The following CACNA2D1 variants were observed in gnomAD, a reference collection of about 807,000 sequenced individuals.
CACNA2D1 encodes voltage-dependent calcium channel subunit alpha-2/delta-1.
CACNA2D1 carries 53 observed loss-of-function variants against 171.5 expected under a neutral mutation model. The observed-to-expected ratio is 0.31, with a 90% CI of 0.25 to 0.39. CACNA2D1 has a LOEUF of 0.39. Ranked by LOEUF, CACNA2D1 falls within the 10% of genes least tolerant of loss-of-function variation. The pLI is 1.00. For synonymous variants in CACNA2D1, 442 were observed against 443.1 expected, an observed-to-expected ratio of 1.00 and a Z score of 0.03; for missense variants, 903 against 1,299.8, an observed-to-expected ratio of 0.69 and a Z score of 4.69.
chr7:82,401,055 A>G (rs1826345196), intron 1 of CACNA2D1, among the ~76,000 whole-genome samples: 1 of 152,140 alleles, frequency 6.6e-6, no homozygotes, highest in South Asian at 2.1e-4. Flanking sequence ...GTCAGGAAAC[A>G]ACAGGTGCTG....
At chr7:82,144,205 G>T (rs142736932) in intron 4 of CACNA2D1, among the ~76,000 whole-genome samples, 1 of 151,936 alleles carries the variant, frequency 6.6e-6, no homozygotes, top group African/African-American at 2.4e-5. Flanking sequence ...TCTTAAGCTA[G>T]TAAGAATTTG....
chr7:82,021,426 T>C (rs1801198761), intron 12 of CACNA2D1, among the ~76,000 whole-genome samples: 1 of 152,092 alleles, frequency 6.6e-6, no homozygotes, highest in South Asian at 2.1e-4. Context: ...TTATTCCACA[T>C]TCCAAATTTA....
chr7:82,210,939 G>GA (rs1800483009), intron 3 of CACNA2D1, among the ~76,000 whole-genome samples: 2 of 152,074 alleles, frequency 1.3e-5, no homozygotes, highest in African/African-American at 2.4e-5. Context: ...ATATGCAGTA[G>GA]AAAAAAATAC....
chr7:81,974,401 T>C (rs1312165661), intron 25 of CACNA2D1, 54 bp downstream of exon 25: 7 of 868,420 alleles, frequency 8.1e-6, no homozygotes, highest in Admixed American at 3.6e-5. Flanking sequence ...TATGATATAC[T>C]ATAAACCAAT....
chr7:81,991,901 C>T (rs1797576527), intron 20 of CACNA2D1, among the ~76,000 whole-genome samples: 1 of 149,476 alleles, frequency 6.7e-6, no homozygotes, highest in African/African-American at 2.5e-5. Flanking sequence ...GCGGTGTGAT[C>T]TCGGCTCACT....
chr7:82,162,655 A>G (rs969668276), intron 4 of CACNA2D1, among the ~76,000 whole-genome samples: 1 of 152,020 alleles, frequency 6.6e-6, no homozygotes, highest in East Asian at 1.9e-4. Flanking sequence ...AGTTTAAATG[A>G]CAGATCTCTC....
intron 1 of CACNA2D1, among the ~76,000 whole-genome samples, chr7:82,361,131 G>A (rs1821037081): frequency 6.6e-6 from 1 of 152,116 alleles, no homozygotes; most frequent in Admixed American, 6.5e-5. Flanking sequence ...CTCTTTGCCT[G>A]AGCAGCATAT....
chr7:82,158,172 A>AT (rs1491258724), intron 4 of CACNA2D1, among the ~76,000 whole-genome samples: 1 of 151,930 alleles, frequency 6.6e-6, no homozygotes, highest in Non-Finnish European at 1.5e-5. Flanking sequence ...TTGTACAAAC[A>AT]TATGTAAACT....
chr7:82,102,786 G>A (rs1812838496), intron 6 of CACNA2D1, among the ~76,000 whole-genome samples: 1 of 152,072 alleles, frequency 6.6e-6, no homozygotes, highest in South Asian at 2.1e-4. Context: ...ATGGAAAAAT[G>A]TCAACCACAT....
intron 3 of CACNA2D1, among the ~76,000 whole-genome samples, chr7:82,233,122 T>G (rs898283740): frequency 2.6e-5 from 4 of 152,058 alleles, no homozygotes; most frequent in Non-Finnish European, 5.9e-5. Context: ...GGGTTAATTA[T>G]AAAGAAGAAT....
intron 11 of CACNA2D1, among the ~76,000 whole-genome samples, chr7:82,037,118 G>A (rs1193022100): frequency 6.6e-6 from 1 of 152,170 alleles, no homozygotes; most frequent in Non-Finnish European, 1.5e-5. Flanking sequence ...AATGGTCCCT[G>A]CTTTTAAGTA....
chr7:82,091,998 G>C (rs1047120947), intron 6 of CACNA2D1, among the ~76,000 whole-genome samples: 4 of 152,152 alleles, frequency 2.6e-5, no homozygotes, highest in Non-Finnish European at 4.4e-5. Flanking sequence ...TTTTATTCCA[G>C]TTCTTTCCTC....
intron 29 of CACNA2D1, among the ~76,000 whole-genome samples, chr7:81,968,268 T>C (rs562579043): frequency 6.6e-6 from 1 of 151,454 alleles, no homozygotes; most frequent in South Asian, 2.1e-4. Context: ...AATCATACAA[T>C]CAAAAAAACT....
intron 6 of CACNA2D1, among the ~76,000 whole-genome samples, chr7:82,113,092 T>C (rs1451431505): frequency 6.6e-6 from 1 of 152,138 alleles, no homozygotes; most frequent in African/African-American, 2.4e-5. Context: ...TTACTTAAAT[T>C]ATAGGGTAAG....
chr7:82,271,159 C>T (rs1808576064), intron 3 of CACNA2D1, among the ~76,000 whole-genome samples: 1 of 152,092 alleles, frequency 6.6e-6, no homozygotes, highest in South Asian at 2.1e-4. Flanking sequence ...AAGTGTCAAT[C>T]TTCTAATTCC....
At chr7:82,293,979 A>G (rs960897633) in intron 3 of CACNA2D1, among the ~76,000 whole-genome samples, 2 of 152,110 alleles carry the variant, frequency 1.3e-5, no homozygotes, top group African/African-American at 2.4e-5. Flanking sequence ...TTCTGGCTCT[A>G]CAATTTTGTT....
chr7:81,996,177 A>C (rs1798022947), intron 19 of CACNA2D1, among the ~76,000 whole-genome samples: 1 of 152,144 alleles, frequency 6.6e-6, no homozygotes, highest in African/African-American at 2.4e-5. Context: ...TTACTGATTG[A>C]TTTAGAAGAA....
chr7:82,443,889 G>A, upstream of CACNA2D1: 1 of 336,200 alleles, frequency 3.0e-6, no homozygotes. Flanking sequence ...GTGGCTGCAG[G>A]AATCGGGGAA....
At chr7:81,968,056 T>G (rs918447466) in intron 29 of CACNA2D1, among the ~76,000 whole-genome samples, 5 of 151,216 alleles carry the variant, frequency 3.3e-5, no homozygotes, top group Non-Finnish European at 7.4e-5. Flanking sequence ...GGTGGGTTAG[T>G]AGGAGAGTGG....
Sources: allele counts gnomAD v4.1 joint callset (sites outside exome capture counted in the v4.1 genomes callset), GRCh38; gene constraint gnomAD v4.1.1; transcripts MANE v1.5; gene names NCBI Gene and HGNC (gene_info 2026-07-23, HGNC 2026-07-21).